The following SCHIP1 variants were observed in gnomAD, a reference collection of about 807,000 sequenced individuals.
SCHIP1 encodes schwannomin interacting protein 1, also known as schwannomin-interacting protein 1.
In SCHIP1, 8 loss-of-function variants were observed where a neutral mutation model predicts 29.7. The ratio of observed to expected loss-of-function variants is 0.27; its 90% confidence interval spans 0.16 to 0.49. The LOEUF (loss-of-function observed/expected upper bound fraction) is 0.49. Ranked by LOEUF, SCHIP1 falls within the 20% of genes least tolerant of loss-of-function variation. The pLI is 0.99. For missense variants in SCHIP1, 193 were observed against 294.6 expected, an observed-to-expected ratio of 0.66 and a Z score of 2.52; for synonymous variants, 76 against 94.9, an observed-to-expected ratio of 0.80 and a Z score of 1.16.
the SCHIP1 span, among the ~76,000 whole-genome samples, chr3:159,433,211 T>C: frequency 1.3e-5 from 2 of 152,182 alleles, no homozygotes; most frequent in Non-Finnish European, 2.9e-5. Context: ...TTCACATTTC[T>C]CACATTTTGT....
At chr3:159,375,723 C>T in the SCHIP1 span, 21 of 689,622 alleles carry the variant, frequency 3.0e-5, no homozygotes, top group Admixed American at 6.9e-5. Flanking sequence ...GGCAAAACTC[C>T]GTCTCAAAAT....
the SCHIP1 span, among the ~76,000 whole-genome samples, chr3:159,394,729 G>A: frequency 2.6e-5 from 4 of 152,132 alleles, no homozygotes; most frequent in Admixed American, 6.5e-5. Flanking sequence ...GTATTTTATT[G>A]AGGATTTTTG....
chr3:159,764,331 T>A, the SCHIP1 span: 21 of 1,343,904 alleles, frequency 1.6e-5, no homozygotes, highest in African/African-American at 2.8e-4. This position sits in a 1 kb window ranked among gnomAD's most constrained non-coding sequence, Gnocchi z 6.1. Flanking sequence ...GGGACGCACC[T>A]CTGACCCAGC....
chr3:159,780,658 T>C, the SCHIP1 span, among the ~76,000 whole-genome samples: 6 of 152,314 alleles, frequency 3.9e-5, no homozygotes, highest in African/African-American at 1.2e-4. Context: ...TCAGGGTTCA[T>C]TCGTCTCGGC....
the SCHIP1 span, among the ~76,000 whole-genome samples, chr3:159,307,822 A>T: frequency 2.6e-5 from 4 of 152,074 alleles, no homozygotes; most frequent in African/African-American, 9.7e-5. Flanking sequence ...CCATTTATTG[A>T]TTAGCGATTC....
At chr3:159,408,964 G>A in the SCHIP1 span, among the ~76,000 whole-genome samples, 1 of 152,160 alleles carries the variant, frequency 6.6e-6, no homozygotes, top group Non-Finnish European at 1.5e-5. Context: ...TTATCCCAGA[G>A]ATGCAAGGAC....
chr3:159,558,437 A>G, the SCHIP1 span, among the ~76,000 whole-genome samples: 20,054 of 152,226 alleles, frequency 0.13, 1,526 homozygotes, highest in East Asian at 0.21. Context: ...AAGAGACAAT[A>G]AGAGAATCCA....
At chr3:159,869,798 C>T (rs1049649789) in intron 2 of SCHIP1, among the ~76,000 whole-genome samples, 1 of 151,856 alleles carries the variant, frequency 6.6e-6, no homozygotes, top group African/African-American at 2.4e-5. Flanking sequence ...ATTTAGGAAG[C>T]ATTACATTTT....
chr3:159,848,303 T>C (rs968903458), intron 1 of SCHIP1, among the ~76,000 whole-genome samples: 3 of 152,176 alleles, frequency 2.0e-5, no homozygotes, highest in African/African-American at 7.2e-5. Flanking sequence ...GCCCATCTTA[T>C]GCATGGACAG....
the SCHIP1 span, among the ~76,000 whole-genome samples, chr3:159,437,564 GAT>G: frequency 8.6e-5 from 13 of 152,046 alleles, no homozygotes; most frequent in African/African-American, 3.1e-4. Context: ...GCCCATGACA[GAT>G]AGTCAGTAAA....
At chr3:159,568,716 ATGTG>A in the SCHIP1 span, among the ~76,000 whole-genome samples, 5 of 152,162 alleles carry the variant, frequency 3.3e-5, no homozygotes, top group South Asian at 1.0e-3. Flanking sequence ...ATGCATGTGT[ATGTG>A]TGTCTCCAAT....
At chr3:159,887,774 A>G (rs756592555) in exon 4 of SCHIP1, 2 of 1,614,062 alleles carry the variant, frequency 1.2e-6, no homozygotes, top group South Asian at 1.1e-5. Context: ...CTTGGATGAC[A>G]TGGACTTCCT....
At chr3:159,726,983 T>C in the SCHIP1 span, among the ~76,000 whole-genome samples, 2 of 152,186 alleles carry the variant, frequency 1.3e-5, no homozygotes, top group Non-Finnish European at 2.9e-5. Flanking sequence ...GCTGGAAACA[T>C]AGGAGAGGAA....
chr3:159,827,259 G>C, the SCHIP1 span, among the ~76,000 whole-genome samples: 1 of 152,164 alleles, frequency 6.6e-6, no homozygotes, highest in Non-Finnish European at 1.5e-5. Context: ...AAGCTGGTCA[G>C]AGAACAGACC....
intron 2 of SCHIP1, among the ~76,000 whole-genome samples, chr3:159,874,379 C>G (rs1715567193): frequency 6.6e-6 from 1 of 152,188 alleles, no homozygotes; most frequent in Non-Finnish European, 1.5e-5. Context: ...CTCAACCATT[C>G]CAACATCACC....
At chr3:159,381,612 CTTTT>C in the SCHIP1 span, among the ~76,000 whole-genome samples, 4,008 of 148,306 alleles carry the variant, frequency 0.027, 165 homozygotes, top group African/African-American at 0.093. Context: ...TTTTCTTCTT[CTTTT>C]TTTTTTGTAC....
the SCHIP1 span, among the ~76,000 whole-genome samples, chr3:159,615,868 T>A: frequency 1.3e-5 from 2 of 152,208 alleles, no homozygotes; most frequent in East Asian, 3.9e-4. Context: ...AATGTACATG[T>A]GCTGGAAAAA....
At chr3:159,780,227 C>T in the SCHIP1 span, among the ~76,000 whole-genome samples, 5 of 152,166 alleles carry the variant, frequency 3.3e-5, no homozygotes, top group African/African-American at 1.2e-4. Context: ...CGGAGGCCCT[C>T]GCAGTGTTGA....
chr3:159,694,592 GAAA>G, the SCHIP1 span, among the ~76,000 whole-genome samples: 195 of 136,190 alleles, frequency 1.4e-3, 1 homozygote, highest in East Asian at 7.3e-3. Flanking sequence ...AAGAAAGAAA[GAAA>G]GAAAGAAAGA....
Sources: allele counts gnomAD v4.1 joint callset (sites outside exome capture counted in the v4.1 genomes callset), GRCh38; gene constraint gnomAD v4.1.1; non-coding constraint Gnocchi (gnomAD v3.1); transcripts MANE v1.5; gene names NCBI Gene and HGNC (gene_info 2026-07-23, HGNC 2026-07-21).